Variants in WWOX observed in about 807,000 individuals in gnomAD.
WWOX encodes WW domain-containing oxidoreductase.
A neutral mutation model predicts 46.2 loss-of-function variants in WWOX; 69 were observed. The ratio of observed to expected loss-of-function variants is 1.49; its 90% CI spans 1.23 to 1.82. WWOX has a LOEUF of 1.82. Ranked by LOEUF, WWOX falls within the 40% of genes most tolerant of loss-of-function variation. The pLI, the probability that WWOX is intolerant of heterozygous loss-of-function variation, is 0.00. For missense variants in WWOX, 919 were observed against 542.6 expected, an observed-to-expected ratio of 1.69 and a Z score of -6.89; for synonymous variants, 359 against 202.6, an observed-to-expected ratio of 1.77 and a Z score of -6.56.
chr16:79,196,934 G>T (rs2051252466), intron 8 of WWOX, among the ~76,000 whole-genome samples: 1 of 152,204 alleles, frequency 6.6e-6, no homozygotes, highest in East Asian at 1.9e-4. Flanking sequence ...TCAATTCCTT[G>T]AACTTCAGTC....
chr16:78,418,166 C>T (rs965382686), intron 6 of WWOX, among the ~76,000 whole-genome samples: 3 of 152,178 alleles, frequency 2.0e-5, no homozygotes, highest in African/African-American at 7.2e-5. Context: ...CAAGACCATC[C>T]TGGCTAACAT....
At chr16:79,210,815 C>A (rs1386847199) in intron 8 of WWOX, among the ~76,000 whole-genome samples, 1 of 152,072 alleles carries the variant, frequency 6.6e-6, no homozygotes, top group Non-Finnish European at 1.5e-5. Flanking sequence ...TGCACACGTC[C>A]CTAGCCACAG....
chr16:78,875,198 C>T (rs2044210920), intron 8 of WWOX, among the ~76,000 whole-genome samples: 2 of 152,154 alleles, frequency 1.3e-5, no homozygotes, highest in African/African-American at 2.4e-5. Flanking sequence ...TGAAACCTTT[C>T]TGAGGAAGAG....
At chr16:78,378,140 G>C (rs778459776) in intron 5 of WWOX, among the ~76,000 whole-genome samples, 1 of 150,380 alleles carries the variant, frequency 6.6e-6, no homozygotes, top group Non-Finnish European at 1.5e-5. Context: ...CTAAAAAAAA[G>C]GAAATCCAGG....
chr16:78,424,268 C>G (rs1290344237), intron 6 of WWOX, among the ~76,000 whole-genome samples: 1 of 151,782 alleles, frequency 6.6e-6, no homozygotes. Context: ...CAGACATATA[C>G]CACCACACCT....
At chr16:79,191,585 T>C (rs440233) in intron 8 of WWOX, among the ~76,000 whole-genome samples, 107,674 of 152,106 alleles carry the variant, frequency 0.71, 38,894 homozygotes, top group Non-Finnish European at 0.79. Flanking sequence ...TTTTCTCAAT[T>C]ACTGATGATC....
chr16:78,228,024 C>T (rs918210222), intron 5 of WWOX, among the ~76,000 whole-genome samples: 1 of 152,164 alleles, frequency 6.6e-6, no homozygotes, highest in African/African-American at 2.4e-5. Context: ...GACCCTCTCT[C>T]TGGCAAATAG....
At chr16:79,175,629 A>G (rs539449184) in intron 8 of WWOX, among the ~76,000 whole-genome samples, 2 of 152,220 alleles carry the variant, frequency 1.3e-5, no homozygotes, top group Non-Finnish European at 2.9e-5. Flanking sequence ...GACTGTGTCT[A>G]ACTCAGCTGT....
chr16:78,862,587 G>T (rs1024666822), intron 8 of WWOX, among the ~76,000 whole-genome samples: 1 of 152,008 alleles, frequency 6.6e-6, no homozygotes, highest in Non-Finnish European at 1.5e-5. Context: ...CGAAACCCAG[G>T]ACAACCAATG....
intron 8 of WWOX, among the ~76,000 whole-genome samples, chr16:78,867,484 TTGTGTGTG>T (rs4035599): frequency 6.6e-4 from 99 of 148,984 alleles, no homozygotes; most frequent in African/African-American, 2.3e-3. Context: ...TTAAATGATT[TTGTGTGTG>T]TGTGTGTGTG....
chr16:79,153,405 C>T (rs533450209), intron 8 of WWOX, among the ~76,000 whole-genome samples: 201 of 152,280 alleles, frequency 1.3e-3, no homozygotes, highest in Non-Finnish European at 2.1e-3. Context: ...ACTTAGGGAA[C>T]TGTGGAGGTG....
intron 8 of WWOX, among the ~76,000 whole-genome samples, chr16:78,868,061 T>C (rs1260248215): frequency 6.6e-6 from 1 of 152,204 alleles, no homozygotes. Flanking sequence ...TAAATGCTTA[T>C]ACAAAGTCTT....
At chr16:78,108,523 G>C (rs375248981) in intron 2 of WWOX, 36 bp downstream of exon 2, 4 of 1,608,730 alleles carry the variant, frequency 2.5e-6, no homozygotes, top group South Asian at 1.1e-5. Context: ...TTGGATGGAA[G>C]CATTAAGTAG....
At chr16:78,761,427 C>A in intron 8 of WWOX, among the ~76,000 whole-genome samples, 2 of 152,236 alleles carry the variant, frequency 1.3e-5, no homozygotes, top group East Asian at 1.9e-4. Flanking sequence ...AGTGCCCTCT[C>A]GGTTCCCAGA....
chr16:78,396,420 T>A (rs948132268), intron 6 of WWOX, among the ~76,000 whole-genome samples: 1 of 152,216 alleles, frequency 6.6e-6, no homozygotes, highest in Admixed American at 6.5e-5. Flanking sequence ...ATTTTTGATT[T>A]CCCAACAGAA....
At chr16:78,536,951 C>CT (rs2043773953) in intron 8 of WWOX, among the ~76,000 whole-genome samples, 1 of 140,906 alleles carries the variant, frequency 7.1e-6, no homozygotes, top group Non-Finnish European at 1.5e-5. Context: ...GAGTCTCACT[C>CT]TGTCACCCAG....
intron 8 of WWOX, among the ~76,000 whole-genome samples, chr16:78,925,128 G>C (rs150359163): frequency 3.3e-5 from 5 of 152,178 alleles, no homozygotes; most frequent in African/African-American, 9.7e-5. Context: ...CTGGGAGGTC[G>C]AGGCTGCAGT....
intron 8 of WWOX, among the ~76,000 whole-genome samples, chr16:79,178,860 A>T (rs1325657532): frequency 6.6e-6 from 1 of 152,172 alleles, no homozygotes; most frequent in African/African-American, 2.4e-5. Flanking sequence ...ATATATCTTG[A>T]AGTACTTCAC....
chr16:78,117,034 T>A lies in WWOX; in HGVS notation c.409+1880T>A, dbSNP rs116168518. 5.3e-3 allele frequency among the ~76,000 whole-genome samples: 803 copies of A among 152,334 alleles called. 8 individuals carry two copies. Among genetic ancestry groups the A allele is most frequent in the African/African-American group, 0.018 (757 of 41,580 alleles). On this transcript the variant is annotated intron_variant, in intron 4 of 8. Coordinates refer to ENST00000566780, the MANE Select transcript of WWOX (RefSeq NM_016373.4). Reference sequence around the variant, plus strand: ...ATTAAAAGGGTGATATCTAGTTAGATACATAAGTCTTGATGGAGAGGAGGA... The same window carrying A: ...ATTAAAAGGGTGATATCTAGTTAGAAACATAAGTCTTGATGGAGAGGAGGA...
Sources: allele counts gnomAD v4.1 joint callset (sites outside exome capture counted in the v4.1 genomes callset), GRCh38; gene constraint gnomAD v4.1.1; transcripts MANE v1.5; gene names NCBI Gene and HGNC (gene_info 2026-07-23, HGNC 2026-07-21).